The following CPLANE1 variants were observed in gnomAD, a reference collection of about 807,000 sequenced individuals.
CPLANE1 encodes ciliogenesis and planar polarity effector 1.
Under a neutral mutation model 362.5 loss-of-function variants are expected in CPLANE1, and 263 were observed. The ratio of observed to expected loss-of-function variants is 0.73; its 90% CI spans 0.66 to 0.80. The LOEUF is 0.80. Ranked by LOEUF, CPLANE1 falls within the 30% of genes least tolerant of loss-of-function variation. CPLANE1 has a pLI of 0.00. For synonymous variants in CPLANE1, 1,212 were observed against 1,302.6 expected (o/e 0.93, Z 1.50); for missense variants, 3,461 against 3,793.4 (o/e 0.91, Z 2.30).
rs1778456460 is a variant in CPLANE1, at chr5:37,167,114, G to A, written c.7333C>T (p.His2445Tyr). The A allele has an allele frequency of 6.2e-7, 1 of 1,613,022 alleles. No homozygotes were observed. Among genetic ancestry groups the A allele is most frequent in the Admixed American group, 1.7e-5 (1 of 59,902 alleles). ...ATTTTGACCTTTAGAAGTTGAAGGT[G>A]TCCAGCATCACCTTGTTCAAATAAA... Reference protein sequence around the residue: ...HNLFEQGDAGHLQLLKVKIEP... With the variant: ...HNLFEQGDAGYLQLLKVKIEP... Residue 2445 changes from histidine to tyrosine, a missense_variant, in exon 35 of 53, where the codon CAC becomes TAC. Physicochemically the swap from His to Tyr is moderately conservative, Grantham distance 83. Coordinates refer to ENST00000651892, the MANE Select transcript of CPLANE1 (RefSeq NM_001384732.1).
At chr5:37,207,563 A>G (rs1284210792) in intron 16 of CPLANE1, among the ~76,000 whole-genome samples, 1 of 152,244 alleles carries the variant, frequency 6.6e-6, no homozygotes, top group East Asian at 1.9e-4. Flanking sequence ...TCAAATCCCT[A>G]GAAACATTCT....
At chr5:37,173,408 A>C (rs1780324943) in intron 32 of CPLANE1, among the ~76,000 whole-genome samples, 1 of 152,150 alleles carries the variant, frequency 6.6e-6, no homozygotes, top group Non-Finnish European at 1.5e-5. Flanking sequence ...TCATTGTGAG[A>C]AGTAGGTAGC....
chr5:37,133,516 G>GTGTGTA (rs1554056025), intron 46 of CPLANE1, among the ~76,000 whole-genome samples: 2 of 151,882 alleles, frequency 1.3e-5, no homozygotes, highest in African/African-American at 4.8e-5. Context: ...GTGTGTGTGT[G>GTGTGTA]TGTGTATGTG....
rs1475420589 is a variant in CPLANE1, at chr5:37,226,681, T to C, written c.1914A>G (p.Gln638=). ...GGATTGATAAACACTGATGAAAAAG[T>C]TGAAAGATACAAAGTATCCATGCAT... ...RHNAWILCIF[Q]LFHQCLSIHY... Residue 638 remains glutamine (Q), a synonymous_variant, in exon 12 of 53, where the codon CAA becomes CAG. Transcript: ENST00000651892. The C allele has an allele frequency of 5.8e-6, 9 of 1,551,080 alleles. No homozygotes were observed. Among genetic ancestry groups the C allele is most frequent in the Non-Finnish European group, 8.7e-7 (1 of 1,146,756 alleles).
intron 50 of CPLANE1, 59 bp downstream of exon 50, chr5:37,120,157 T>C: frequency 6.5e-7 from 1 of 1,538,186 alleles, no homozygotes; most frequent in African/African-American, 1.4e-5. Flanking sequence ...AACACAACTT[T>C]GGAGACAAGA....
At position 37,226,581 on chromosome 5, in the gene CPLANE1, G is replaced by GCAA; in HGVS notation, c.2011_2013dup (p.Leu672dup). The GCAA allele has an allele frequency of 1.3e-6, 2 of 1,550,672 alleles. No individual in the cohort carries two copies. Among genetic ancestry groups the GCAA allele is most frequent in the Non-Finnish European group, 1.7e-6 (2 of 1,146,714 alleles). On this transcript the variant is annotated inframe_insertion, in exon 12 of 53. Transcript: ENST00000651892. ...AACTGACCCTTTTGTTGCTGAGTCA[G>GCAA]CAAAAGTTTTACAGTATTTGAGGTC...
In CPLANE1 at chr5:37,118,454, A is replaced by G. The variant is rs541940033; in HGVS notation, c.9310+1762T>C. Among the ~76,000 whole-genome samples, 4 of 151,688 alleles carry G rather than the reference A, an allele frequency of 2.6e-5. No homozygotes were observed. In the East Asian group the frequency reaches 7.8e-4, roughly 29 times the overall value. Reference sequence around the variant, plus strand: ...AACCAAACCACGAAGGGTTTCATCTAAAGAATTGGGATTTATGGAAATTTC... The same window carrying G: ...AACCAAACCACGAAGGGTTTCATCTGAAGAATTGGGATTTATGGAAATTTC... On this transcript the variant is annotated intron_variant, in intron 50 of 52. Coordinates refer to ENST00000651892, the MANE Select transcript of CPLANE1 (RefSeq NM_001384732.1).
rs1194762831 is a variant in CPLANE1, at chr5:37,226,772, A to C, written c.1823T>G (p.Ile608Ser). ...AAAAGGACATTTTATAAATTGAAGA[A>C]TGTAAAAAAAATGAGTGATACAAAC... ...IVVCITHFFY[I>S]LQFIKCPFPK... The change falls in exon 12 of 53, where the codon ATT (isoleucine) becomes AGT (serine). Residue 608 changes from isoleucine (I) to serine (S), a missense_variant. Transcript: ENST00000651892. 7 of 1,542,460 alleles carry C rather than the reference A, an allele frequency of 4.5e-6. No homozygotes were observed. In the Admixed American group the frequency reaches 1.2e-4, roughly 27 times the overall value.
chr5:37,211,960 AC>A (rs1277917889), intron 16 of CPLANE1: 1 of 859,600 alleles, frequency 1.2e-6, no homozygotes, highest in Non-Finnish European at 2.0e-6. Context: ...TCATATCAGC[AC>A]CCAAGTGTAG....
chr5:37,207,873 A>G (rs1791244646), intron 16 of CPLANE1, among the ~76,000 whole-genome samples: 1 of 152,032 alleles, frequency 6.6e-6, no homozygotes, highest in Non-Finnish European at 1.5e-5. Flanking sequence ...CCTTTACTGA[A>G]TGCAACTCAT....
At chr5:37,079,596 A>G in the CPLANE1 span, among the ~76,000 whole-genome samples, 1 of 152,130 alleles carries the variant, frequency 6.6e-6, no homozygotes. Context: ...ATCTTACCTA[A>G]AAGTCTTTTT....
At chr5:37,238,493 T>TTC (rs1799545125) in intron 8 of CPLANE1, among the ~76,000 whole-genome samples, 1 of 93,760 alleles carries the variant, frequency 1.1e-5, no homozygotes. Flanking sequence ...TTTTCTTTTT[T>TTC]TTTTTTTTTT....
At chr5:37,135,916 G>T (rs147773161) in intron 46 of CPLANE1, among the ~76,000 whole-genome samples, 5 of 152,038 alleles carry the variant, frequency 3.3e-5, no homozygotes, top group Non-Finnish European at 5.9e-5. Flanking sequence ...AAACACCTCC[G>T]TGATTAAATT....
the CPLANE1 span, among the ~76,000 whole-genome samples, chr5:37,082,162 C>G: frequency 6.6e-6 from 1 of 151,670 alleles, no homozygotes; most frequent in Non-Finnish European, 1.5e-5. Flanking sequence ...GGCTGACTTT[C>G]CAGTTAGAAA....
At chr5:37,174,371 C>T (rs71619843) in intron 31 of CPLANE1, among the ~76,000 whole-genome samples, 32 of 152,200 alleles carry the variant, frequency 2.1e-4, no homozygotes, top group East Asian at 1.5e-3. Flanking sequence ...AAGAAAACTA[C>T]GGAAAAACTG....
At chr5:37,202,337 T>C (rs1333663746) in intron 18 of CPLANE1, among the ~76,000 whole-genome samples, 2 of 152,100 alleles carry the variant, frequency 1.3e-5, no homozygotes, top group Non-Finnish European at 2.9e-5. Flanking sequence ...TTTGTATTTT[T>C]AGTAGAGATG....
In CPLANE1 at chr5:37,238,873, G is replaced by T; in HGVS notation, c.922C>A (p.Pro308Thr). The T allele has an allele frequency of 6.6e-7, 1 of 1,517,686 alleles. No individual in the cohort carries two copies. Among genetic ancestry groups the T allele is most frequent in the Non-Finnish European group, 8.8e-7 (1 of 1,131,698 alleles). 94.0% of individuals were successfully genotyped at this position (1,517,686 alleles called of 1,614,324 possible). The change falls in exon 8 of 53, where the codon CCA becomes ACA. Residue 308 changes from proline (P) to threonine (T), a missense_variant. By Grantham distance (38) the Pro-to-Thr change is conservative. This residue lies in a region of CPLANE1 where 3,380 missense variants were observed against 3,666.1 expected (regional missense o/e 0.92). Transcript: ENST00000651892. Reference protein sequence around the residue: ...KGCSNKSPVVPATLIRSYWVG... With the variant: ...KGCSNKSPVVTATLIRSYWVG... ...AGTTCTTACCTAATAAGTGTAGCTG[G>T]AACCACGGGACTCTTGTTACTACAT...
At chr5:37,141,600 A>G (rs1056570124) in intron 44 of CPLANE1, 2 of 960,022 alleles carry the variant, frequency 2.1e-6, no homozygotes, top group Non-Finnish European at 2.5e-6. Context: ...TACTGTTTAT[A>G]TCACTTTAAT....
At chr5:37,197,376 T>C (rs1467247718) in intron 20 of CPLANE1, among the ~76,000 whole-genome samples, 1 of 152,156 alleles carries the variant, frequency 6.6e-6, no homozygotes, top group Non-Finnish European at 1.5e-5. Context: ...TGGCATTTAC[T>C]ACCAGGATGG....
Sources: gnomAD v4.1 joint callset for allele counts (sites outside exome capture counted in the v4.1 genomes callset) on GRCh38, gnomAD v4.1.1 for gene constraint, gnomAD v4.1.1 regional missense constraint, MANE v1.5 for transcripts, NCBI Gene and HGNC (gene_info 2026-07-23, HGNC 2026-07-21) for gene names.